SGPL1: variants seen among roughly 807,000 people sequenced by gnomAD.
SGPL1 encodes sphingosine-1-phosphate lyase 1.
A neutral mutation model predicts 68.9 loss-of-function variants in SGPL1; 37 were observed. That is an observed-to-expected ratio of 0.54 (90% confidence interval 0.41 to 0.71). The LOEUF (loss-of-function observed/expected upper bound fraction) is 0.71, where lower values mean the gene tolerates loss of function less well. Ranked by LOEUF, SGPL1 falls within the 30% of genes least tolerant of loss-of-function variation. The pLI is 0.00. For synonymous variants in SGPL1, 236 were observed against 248.5 expected (o/e 0.95, Z 0.47); for missense variants, 551 against 704.6 (o/e 0.78, Z 2.47).
intron 7 of SGPL1, among the ~76,000 whole-genome samples, chr10:70,867,651 C>T (rs1213625713): frequency 1.3e-5 from 2 of 151,902 alleles, no homozygotes; most frequent in African/African-American, 4.8e-5. Context: ...CTGGTCCCTA[C>T]TTTCATGAAT....
At position 70,875,442 on chromosome 10, in the gene SGPL1, C is replaced by T; in HGVS notation, c.1339C>T (p.Gln447Ter). The T allele has an allele frequency of 1.2e-6, 2 of 1,612,156 alleles. No individual in the cohort carries two copies. Among genetic ancestry groups the T allele is most frequent in the Non-Finnish European group, 1.7e-6 (2 of 1,178,366 alleles). The change falls in exon 13 of 15, where the codon CAA becomes TAA. Residue 447 changes from glutamine (Q) to a stop codon, truncating the protein, a stop_gained. Coordinates refer to ENST00000373202, the MANE Select transcript of SGPL1 (RefSeq NM_003901.4). LOFTEE classifies it high-confidence loss of function. ...IKGIFVFGNP[Q>*]LSVIALGSRD... ...AGGCATCTTTGTTTTTGGGAATCCC[C>T]AATTGTCAGTCATTGCTCTGGGATC... is the stretch of plus-strand genomic sequence containing the variant.
At chr10:70,832,389 G>C (rs1029764593) in intron 2 of SGPL1, among the ~76,000 whole-genome samples, 2 of 152,284 alleles carry the variant, frequency 1.3e-5, no homozygotes, top group South Asian at 4.1e-4. Flanking sequence ...TCTAATAGCA[G>C]CATGACTGTT....
At chr10:70,860,393 G>T (rs1460166813) in intron 7 of SGPL1, 3 of 465,462 alleles carry the variant, frequency 6.4e-6, no homozygotes, top group South Asian at 4.8e-5. Flanking sequence ...TTTTTTCCAG[G>T]AAGCATTGTT....
intron 2 of SGPL1, among the ~76,000 whole-genome samples, chr10:70,822,095 A>G (rs1241122487): frequency 6.6e-6 from 1 of 152,152 alleles, no homozygotes; most frequent in East Asian, 1.9e-4. Flanking sequence ...CTGAATCTCA[A>G]GTGGGATTTA....
At position 70,854,728 on chromosome 10, in the gene SGPL1, G is replaced by C; in HGVS notation, c.282G>C (p.Lys94Asn). 1.2e-6 allele frequency: 2 copies of C among 1,612,416 alleles called. No homozygotes were observed. The highest frequency in any genetic ancestry group is 2.2e-5 in the South Asian group (2 of 90,662). The change falls in exon 5 of 15, where the codon AAG becomes AAC. Residue 94 changes from lysine (K) to asparagine (N), a missense_variant. Coordinates refer to ENST00000373202, the MANE Select transcript of SGPL1 (RefSeq NM_003901.4). ...IGRKIQDKLN[K>N]TKDDISKNMS... ...TGGAGATTCAAGACAAGTTGAACAA[G>C]ACCAAGGATGATATTAGCAAGAACA...
Position 70,873,550 on chromosome 10 carries a change from C to T in SGPL1, c.1259C>T (p.Thr420Ile). 6.2e-7 allele frequency: 1 copy of T among 1,614,174 alleles called. No homozygotes were observed. The highest frequency in any genetic ancestry group is 8.5e-7 in the Non-Finnish European group (1 of 1,179,962). The stretch of plus-strand genomic sequence containing the variant: ...GGTGAGAACGGCTATGTTGAAGCTA[C>T]CAAACAGATCATCAAAACTGCTCGC... ...HFGENGYVEATKQIIKTARFL... is the reference protein window; with the variant it reads ...HFGENGYVEAIKQIIKTARFL... The change falls in exon 12 of 15, where the codon ACC becomes ATC. Residue 420 changes from threonine to isoleucine, a missense_variant. Transcript: ENST00000373202.
intron 2 of SGPL1, among the ~76,000 whole-genome samples, chr10:70,827,872 C>T (rs1225707249): frequency 2.0e-5 from 3 of 152,164 alleles, no homozygotes; most frequent in Admixed American, 6.5e-5. Flanking sequence ...TTGAACTTTA[C>T]ATAAAGTGGA....
At chr10:70,869,680 A>T (rs1846253241) in intron 8 of SGPL1, 112 bp from the exon 9 acceptor site, 2 of 812,790 alleles carry the variant, frequency 2.5e-6, no homozygotes, top group Admixed American at 2.8e-5. Context: ...TTAAATTTTT[A>T]ATTTGGGGAA....
intron 2 of SGPL1, among the ~76,000 whole-genome samples, chr10:70,817,885 G>A (rs1383895467): frequency 1.3e-5 from 2 of 152,184 alleles, no homozygotes; most frequent in Non-Finnish European, 2.9e-5. Flanking sequence ...TGGACAGAGA[G>A]GTATGCCTGC....
intron 2 of SGPL1, among the ~76,000 whole-genome samples, chr10:70,833,944 C>A (rs995928131): frequency 6.6e-6 from 1 of 151,750 alleles, no homozygotes; most frequent in Non-Finnish European, 1.5e-5. Flanking sequence ...AGTATCTGGC[C>A]AAAGAATAAA....
rs893030874 is a variant in SGPL1 at position 70,878,417 on chromosome 10, T to C, written c.*1082T>C. On this transcript the variant is annotated 3_prime_UTR_variant, in exon 15 of 15. Transcript: ENST00000373202. ...CTAGGAAGAAAACATGGTTTCCAAA[T>C]AATCTGGGAGCTTTTGGCCATGGTG... 1 of 152,268 alleles carries C rather than the reference T, an allele frequency of 6.6e-6. No homozygotes were observed. The highest frequency in any genetic ancestry group is 1.5e-5 in the Non-Finnish European group (1 of 68,072). 9.4% of individuals were successfully genotyped at this position (152,268 alleles called of 1,614,324 possible).
At chr10:70,833,713 C>T (rs542097108) in intron 2 of SGPL1, among the ~76,000 whole-genome samples, 2 of 152,214 alleles carry the variant, frequency 1.3e-5, no homozygotes, top group South Asian at 4.1e-4. Flanking sequence ...TGAGTCTCTT[C>T]TGTATTTTAA....
At chr10:70,863,660 C>G (rs1246057639) in intron 7 of SGPL1, among the ~76,000 whole-genome samples, 1 of 152,144 alleles carries the variant, frequency 6.6e-6, no homozygotes, top group Non-Finnish European at 1.5e-5. Context: ...AAATCCTTAG[C>G]TTGTCATTTT....
chr10:70,840,811 T>G (rs1282295368), intron 2 of SGPL1, among the ~76,000 whole-genome samples: 1 of 152,216 alleles, frequency 6.6e-6, no homozygotes, highest in Non-Finnish European at 1.5e-5. Flanking sequence ...TCTTTATATC[T>G]TAATTTTAAG....
At chr10:70,873,805 C>T (rs575285182) in intron 12 of SGPL1, among the ~76,000 whole-genome samples, 10 of 152,310 alleles carry the variant, frequency 6.6e-5, no homozygotes, top group South Asian at 2.1e-4. Flanking sequence ...GTCTTTGAGA[C>T]GGGGGCCTCA....
At chr10:70,859,290 G>C in intron 6 of SGPL1, 81 bp from the exon 7 acceptor site, 1 of 1,083,462 alleles carries the variant, frequency 9.2e-7, no homozygotes, top group East Asian at 3.4e-5. Context: ...CTAATACTTA[G>C]AAACTGTTGT....
intron 7 of SGPL1, among the ~76,000 whole-genome samples, chr10:70,860,721 T>C (rs1485649653): frequency 6.6e-6 from 1 of 152,224 alleles, no homozygotes; most frequent in Non-Finnish European, 1.5e-5. Context: ...ATATATCTTA[T>C]GACCCAGAAA....
intron 2 of SGPL1, among the ~76,000 whole-genome samples, chr10:70,835,735 C>CAAAAAAAAAAAAAAAAAAAAA (rs66962270): frequency 1.4e-5 from 1 of 70,150 alleles, no homozygotes; most frequent in African/African-American, 5.9e-5. Context: ...GACTCCGTCT[C>CAAAAAAAAAAAAAAAAAAAAA]AAAAAAAAAA....
chr10:70,817,418 T>G (rs1412290267), intron 2 of SGPL1, among the ~76,000 whole-genome samples: 1 of 152,220 alleles, frequency 6.6e-6, no homozygotes. Context: ...AAGAATCTTT[T>G]TCAAAATTAT....
Sources: gnomAD v4.1 joint callset for allele counts (sites outside exome capture counted in the v4.1 genomes callset) on GRCh38, gnomAD v4.1.1 for gene constraint, MANE v1.5 for transcripts, NCBI Gene and HGNC (gene_info 2026-07-23, HGNC 2026-07-21) for gene names.